TRAF3: variants seen among roughly 807,000 people sequenced by gnomAD.
The protein encoded by TRAF3 is TNF receptor associated factor 3, also known as TNF receptor-associated factor 3.
A neutral mutation model predicts 62.3 loss-of-function variants in TRAF3; 13 were observed. That is an observed-to-expected ratio of 0.21 (90% CI 0.14 to 0.33). The LOEUF is 0.33. TRAF3 is among the 10% of genes least tolerant of loss of function. The pLI is 1.00. For synonymous variants in TRAF3, 269 were observed against 283.4 expected (o/e 0.95, Z 0.51); for missense variants, 440 against 741.8 (o/e 0.59, Z 4.73).
intron 6 of TRAF3, among the ~76,000 whole-genome samples, chr14:102,881,559 A>G (rs1266360343): frequency 1.3e-5 from 2 of 152,098 alleles, no homozygotes; most frequent in Non-Finnish European, 2.9e-5. Context: ...AGACACATTT[A>G]GGGGATCAAC....
chr14:102,825,649 C>G (rs1399981974), intron 1 of TRAF3, among the ~76,000 whole-genome samples: 7 of 152,256 alleles, frequency 4.6e-5, no homozygotes, highest in African/African-American at 1.4e-4. Flanking sequence ...ACAGGACGGA[C>G]AGATCAATGG....
At chr14:102,782,454 A>G (rs1897308551) in intron 1 of TRAF3, among the ~76,000 whole-genome samples, 1 of 151,666 alleles carries the variant, frequency 6.6e-6, no homozygotes, top group African/African-American at 2.4e-5. Flanking sequence ...GCTGGTCTCA[A>G]ACTCCTGACC....
At position 102,908,002 on chromosome 14, in the gene TRAF3, T is replaced by C. The variant is rs1371591131; in HGVS notation, c.*2218T>C. The stretch of plus-strand genomic sequence containing the variant: ...TCCCCTACCTGCCCTCAGGTAGTTT[T>C]CCTGAGGCCAGGGGTTAACAACAGG... On this transcript the variant is annotated 3_prime_UTR_variant, in exon 12 of 12. Transcript: ENST00000392745. 1 of 152,254 alleles carries C rather than the reference T, an allele frequency of 6.6e-6. No homozygotes were observed. The highest frequency in any genetic ancestry group is 1.5e-5 in the Non-Finnish European group (1 of 68,040). 9.4% of individuals were successfully genotyped at this position (152,254 alleles called of 1,614,324 possible). A position where few individuals can be genotyped will look rare whatever the true frequency, so the allele number is the denominator to read the frequency against.
intron 2 of TRAF3, among the ~76,000 whole-genome samples, chr14:102,852,805 G>A (rs1309042005): frequency 6.6e-6 from 1 of 151,814 alleles, no homozygotes; most frequent in Non-Finnish European, 1.5e-5. Flanking sequence ...GGCTTAAGCA[G>A]TTCTCCCGCC....
intron 2 of TRAF3, among the ~76,000 whole-genome samples, chr14:102,861,573 A>G (rs1464591534): frequency 2.0e-5 from 3 of 151,986 alleles, no homozygotes; most frequent in East Asian, 1.9e-4. Flanking sequence ...GCTGCAGTCT[A>G]TTTCCTTTGG....
chr14:102,879,620 G>A (rs1459471279), intron 6 of TRAF3, among the ~76,000 whole-genome samples: 2 of 151,422 alleles, frequency 1.3e-5, no homozygotes, highest in African/African-American at 2.4e-5. Context: ...TATGAAATGA[G>A]TTGTAGTCCT....
intron 1 of TRAF3, among the ~76,000 whole-genome samples, chr14:102,813,814 T>C (rs2139535749): frequency 6.6e-6 from 1 of 152,290 alleles, no homozygotes; most frequent in East Asian, 1.9e-4. Flanking sequence ...TCCTTGTATA[T>C]CAATCCCCTG....
intron 1 of TRAF3, among the ~76,000 whole-genome samples, chr14:102,792,311 G>A (rs1897843443): frequency 1.3e-5 from 2 of 151,426 alleles, no homozygotes; most frequent in Admixed American, 1.3e-4. Context: ...AATTTTTGTG[G>A]AGACAGGGTC....
At chr14:102,789,248 A>T (rs1013806288) in intron 1 of TRAF3, among the ~76,000 whole-genome samples, 5 of 152,130 alleles carry the variant, frequency 3.3e-5, no homozygotes, top group African/African-American at 1.2e-4. Context: ...TACATGCCAC[A>T]ATCTGTCTAT....
intron 2 of TRAF3, among the ~76,000 whole-genome samples, chr14:102,852,812 C>T (rs116994188): frequency 0.011 from 1,599 of 151,950 alleles, 11 homozygotes; most frequent in Admixed American, 0.019. Flanking sequence ...GCAGTTCTCC[C>T]GCCTCAGCCT....
chr14:102,845,690 G>C (rs994638062), intron 2 of TRAF3, among the ~76,000 whole-genome samples: 2 of 151,180 alleles, frequency 1.3e-5, no homozygotes, highest in Non-Finnish European at 3.0e-5. Flanking sequence ...TAATTTTTTT[G>C]TATTTTTAGT....
chr14:102,806,186 T>C (rs896027723), intron 1 of TRAF3, among the ~76,000 whole-genome samples: 2 of 152,210 alleles, frequency 1.3e-5, no homozygotes, highest in South Asian at 2.1e-4. Flanking sequence ...GGGTTCAAAA[T>C]GTTAGTTGCG....
chr14:102,835,234 T>C (rs1170198797), intron 2 of TRAF3, among the ~76,000 whole-genome samples: 1 of 152,178 alleles, frequency 6.6e-6, no homozygotes, highest in Non-Finnish European at 1.5e-5. Flanking sequence ...ATAACTATTA[T>C]TAAAAAGTCA....
At chr14:102,778,521 T>C (rs1224911795) in intron 1 of TRAF3, among the ~76,000 whole-genome samples, 1 of 152,198 alleles carries the variant, frequency 6.6e-6, no homozygotes, top group African/African-American at 2.4e-5. Context: ...GGACCAGTTG[T>C]ATTTCACGTT....
At position 102,908,863 on chromosome 14, in the gene TRAF3, T is replaced by TGGCTGGCC. The variant is rs1890720378; in HGVS notation, c.*3080_*3087dup. ...GCTCCCTGCTGCCAGGCACGCTGGT[T>TGGCTGGCC]GGCTGGCCTGGGCCCGGCTCACGTG... is the stretch of plus-strand genomic sequence containing the variant. On this transcript the variant is annotated 3_prime_UTR_variant, in exon 12 of 12. Coordinates refer to ENST00000392745, the MANE Select transcript of TRAF3 (RefSeq NM_145725.3). The TGGCTGGCC allele has an allele frequency of 6.6e-6, 1 of 152,262 alleles. No homozygotes were observed. Among genetic ancestry groups the TGGCTGGCC allele is most frequent in the Non-Finnish European group, 1.5e-5 (1 of 68,056 alleles). 9.4% of individuals were successfully genotyped at this position (152,262 alleles called of 1,614,324 possible). A position where few individuals can be genotyped will look rare whatever the true frequency, so the allele number is the denominator to read the frequency against.
chr14:102,803,234 G>T (rs906817011), intron 1 of TRAF3, among the ~76,000 whole-genome samples: 9 of 152,306 alleles, frequency 5.9e-5, no homozygotes, highest in African/African-American at 2.2e-4. Flanking sequence ...TGGGATCCTT[G>T]CTGGTTATGA....
In TRAF3 at chr14:102,824,015, G is replaced by A. The variant is rs1042359138; in HGVS notation, c.-156-6319G>A. ...TGTATTTGTTAGTCCATTGATAGAC[G>A]TTTGGGTTGTTTCTACTTTTTGGCT... On this transcript the variant is annotated intron_variant, in intron 1 of 11. Transcript: ENST00000392745. Among the ~76,000 whole-genome samples the A allele has an allele frequency of 2.6e-5, 4 of 152,206 alleles. No individual in the cohort carries two copies. In the East Asian group the frequency reaches 7.7e-4, roughly 29 times the overall value.
Position 102,903,481 on chromosome 14 carries a change from A to C in TRAF3, c.1135+52A>C. 6.2e-7 allele frequency: 1 copy of C among 1,611,318 alleles called. No individual in the cohort carries two copies. Among genetic ancestry groups the C allele is most frequent in the Non-Finnish European group, 8.5e-7 (1 of 1,178,924 alleles). Reference sequence around the variant, plus strand: ...GCAGTGTGCATCTGGGCCCCGGGCGAGTGCTGGGGCGGGGTCCGTGGGATG... The same window carrying C: ...GCAGTGTGCATCTGGGCCCCGGGCGCGTGCTGGGGCGGGGTCCGTGGGATG... On this transcript the variant is annotated intron_variant, in intron 11 of 11. Transcript: ENST00000392745. This position sits in a 1 kb window ranked among gnomAD's most constrained non-coding sequence, Gnocchi z 6.4.
At chr14:102,856,370 C>G (rs1156341491) in intron 2 of TRAF3, among the ~76,000 whole-genome samples, 2 of 152,072 alleles carry the variant, frequency 1.3e-5, no homozygotes, top group Non-Finnish European at 2.9e-5. Context: ...GGGTTTCTCC[C>G]CTTTGTAGAC....
Sources: gnomAD v4.1 joint callset for allele counts (sites outside exome capture counted in the v4.1 genomes callset) on GRCh38, gnomAD v4.1.1 for gene constraint, Gnocchi (gnomAD v3.1) non-coding constraint, MANE v1.5 for transcripts, NCBI Gene and HGNC (gene_info 2026-07-23, HGNC 2026-07-21) for gene names.